The following NBAS variants were observed in gnomAD, a reference collection of about 807,000 sequenced individuals.
NBAS encodes NBAS subunit of NRZ tethering complex, also known as NAG/BC035112 fusion.
A neutral mutation model predicts 302.5 loss-of-function variants in NBAS; 219 were observed. The ratio of observed to expected loss-of-function variants is 0.72; its 90% confidence interval spans 0.65 to 0.81. The LOEUF is 0.81. Ranked by LOEUF, NBAS falls within the 30% of genes least tolerant of loss-of-function variation. NBAS has a pLI of 0.00. For synonymous variants in NBAS, 1,118 were observed against 1,021.6 expected (o/e 1.09, Z -1.80); for missense variants, 2,932 against 2,841.6 (o/e 1.03, Z -0.72).
intron 27 of NBAS, 150 bp from the exon 28 acceptor site, chr2:15,394,499 G>A (rs1675770688): frequency 2.7e-6 from 2 of 743,892 alleles, no homozygotes; most frequent in Non-Finnish European, 4.3e-6. Flanking sequence ...TTGATTCTCA[G>A]CAAAAAAGAA....
At chr2:15,287,222 A>C (rs367608669) in intron 41 of NBAS, 39 bp from the exon 42 acceptor site, 2 of 1,528,424 alleles carry the variant, frequency 1.3e-6, no homozygotes, top group Non-Finnish European at 9.1e-7. Flanking sequence ...GGGAGAGAGG[A>C]GAAACACATG....
At chr2:14,936,142 C>T in the NBAS span, among the ~76,000 whole-genome samples, 1 of 152,108 alleles carries the variant, frequency 6.6e-6, no homozygotes. Flanking sequence ...TTGCACCAAA[C>T]CTAAATGGGA....
At chr2:15,377,430 A>G (rs1674797647) in intron 30 of NBAS, among the ~76,000 whole-genome samples, 1 of 152,298 alleles carries the variant, frequency 6.6e-6, no homozygotes, top group Non-Finnish European at 1.5e-5. Flanking sequence ...CAGCAATTCC[A>G]CTTTGCATTA....
At chr2:14,825,064 T>A in the NBAS span, among the ~76,000 whole-genome samples, 1 of 152,180 alleles carries the variant, frequency 6.6e-6, no homozygotes, top group East Asian at 1.9e-4. Context: ...ATTGTTAAAA[T>A]CAGTAGATAT....
the NBAS span, among the ~76,000 whole-genome samples, chr2:14,944,059 G>GGAGGCC: frequency 1.3e-5 from 2 of 152,168 alleles, no homozygotes; most frequent in East Asian, 3.9e-4. Context: ...CAGCACTTTG[G>GGAGGCC]GAGGCCGAGG....
At chr2:15,402,462 C>T (rs957986322) in intron 25 of NBAS, among the ~76,000 whole-genome samples, 161 bp from the exon 26 acceptor site, 1 of 152,046 alleles carries the variant, frequency 6.6e-6, no homozygotes, top group Admixed American at 6.6e-5. Context: ...TTTAATAATT[C>T]TAACTGAAAT....
intron 21 of NBAS, among the ~76,000 whole-genome samples, chr2:15,434,098 C>T (rs1677892364): frequency 6.6e-6 from 1 of 151,966 alleles, no homozygotes; most frequent in South Asian, 2.1e-4. Context: ...GCATTCCAGC[C>T]TGGATGACAG....
chr2:15,105,561 T>C, the NBAS span, among the ~76,000 whole-genome samples: 1 of 152,152 alleles, frequency 6.6e-6, no homozygotes, highest in Non-Finnish European at 1.5e-5. Context: ...TTCATTTCTA[T>C]GGCCCCATCA....
the NBAS span, among the ~76,000 whole-genome samples, chr2:15,124,405 A>T: frequency 7.2e-5 from 11 of 152,196 alleles, no homozygotes. Flanking sequence ...AAGAGAGCAT[A>T]CAAGTTTGGA....
At chr2:15,060,192 T>G in the NBAS span, among the ~76,000 whole-genome samples, 1 of 152,136 alleles carries the variant, frequency 6.6e-6, no homozygotes, top group Admixed American at 6.5e-5. Context: ...GTAAGCTCAC[T>G]TTGGAAAAGC....
At chr2:15,050,469 C>A in the NBAS span, among the ~76,000 whole-genome samples, 3 of 152,248 alleles carry the variant, frequency 2.0e-5, no homozygotes, top group South Asian at 6.2e-4. Flanking sequence ...CAGGCAGCAT[C>A]CCACCATTAA....
the NBAS span, among the ~76,000 whole-genome samples, chr2:15,043,064 AC>A: frequency 6.6e-6 from 1 of 152,024 alleles, no homozygotes; most frequent in Non-Finnish European, 1.5e-5. Context: ...TAGTTCTCCA[AC>A]CCCCGATTTA....
chr2:15,121,285 T>G, the NBAS span, among the ~76,000 whole-genome samples: 2 of 152,232 alleles, frequency 1.3e-5, no homozygotes, highest in African/African-American at 4.8e-5. Context: ...AACTCCCTTC[T>G]GTAGCTACAG....
intron 48 of NBAS, among the ~76,000 whole-genome samples, chr2:15,213,518 T>C (rs1218245338): frequency 6.6e-6 from 1 of 152,172 alleles, no homozygotes; most frequent in Non-Finnish European, 1.5e-5. Context: ...TGTAGTCCAA[T>C]GCTATTCAAA....
At chr2:15,106,568 G>A in the NBAS span, among the ~76,000 whole-genome samples, 2 of 151,684 alleles carry the variant, frequency 1.3e-5, no homozygotes, top group East Asian at 1.9e-4. Context: ...AAACTCCACC[G>A]CTTCCAAAAA....
At chr2:15,190,461 GAAT>G in intron 48 of NBAS, 58 bp from the exon 49 acceptor site, 1 of 1,583,498 alleles carries the variant, frequency 6.3e-7, no homozygotes, top group Non-Finnish European at 8.6e-7. Context: ...TTGGTTTATA[GAAT>G]AATTCTACTT....
At chr2:15,103,742 C>G in the NBAS span, among the ~76,000 whole-genome samples, 1 of 152,118 alleles carries the variant, frequency 6.6e-6, no homozygotes, top group Non-Finnish European at 1.5e-5. Flanking sequence ...GACAGCCTGG[C>G]ACATATTCAA....
the NBAS span, among the ~76,000 whole-genome samples, chr2:15,111,442 TA>T: frequency 6.6e-6 from 1 of 152,152 alleles, no homozygotes; most frequent in Non-Finnish European, 1.5e-5. Flanking sequence ...GTGGAATCAG[TA>T]GGCAACTGGT....
intron 13 of NBAS, 105 bp from the exon 14 acceptor site, chr2:15,475,985 T>G (rs1680176409): frequency 1.1e-6 from 1 of 903,324 alleles, no homozygotes; most frequent in Non-Finnish European, 1.7e-6. Context: ...ATCTACATTA[T>G]TTGGGCCCTA....
Sources: gnomAD v4.1 joint callset for allele counts (sites outside exome capture counted in the v4.1 genomes callset) on GRCh38, gnomAD v4.1.1 for gene constraint, MANE v1.5 for transcripts, NCBI Gene and HGNC (gene_info 2026-07-23, HGNC 2026-07-21) for gene names.